TMEM184A: variants seen among roughly 807,000 people sequenced by gnomAD.
TMEM184A encodes the protein transmembrane protein 184A, also known as sexually dimorphic, expressed in male gonads 1.
Under a neutral mutation model 39.5 loss-of-function variants are expected in TMEM184A, and 40 were observed. The observed-to-expected ratio is 1.01, with a 90% confidence interval of 0.79 to 1.32. The LOEUF is 1.32. Among genes scored for constraint, TMEM184A ranks in the 40% most tolerant of loss-of-function variants. The pLI is 0.00. For missense variants in TMEM184A, 603 were observed against 568.8 expected (o/e 1.06, Z -0.61); for synonymous variants, 280 against 252.3 (o/e 1.11, Z -1.04).
chr7:1,547,775 G>T lies in TMEM184A; in HGVS notation c.979C>A (p.Gln327Lys). 6.2e-7 allele frequency: 1 copy of T among 1,612,958 alleles called. No homozygotes were observed. The highest frequency in any genetic ancestry group is 8.5e-7 in the Non-Finnish European group (1 of 1,179,848). The stretch of plus-strand genomic sequence containing the variant: ...TTCTCCTTCTTCTCTGCGTACACCT[G>T]GCAGGGGAAGGCATAACGCAGGGCC... ...SVALRYAFPC[Q>K]VYAEKKENSP... The change falls in exon 8 of 9, where the codon CAG becomes AAG. Residue 327 changes from glutamine to lysine, a missense_variant. Transcript: ENST00000297477.
At position 1,550,456 on chromosome 7, in the gene TMEM184A, G is replaced by A. The variant is rs149671335; in HGVS notation, c.386-61C>T. On this transcript the variant is annotated intron_variant, in intron 3 of 8. Transcript: ENST00000297477. ...CTGAGCTGCACCGGGACCCCATGGC[G>A]CCCATCTCACCAGGGCAGGAGGAGG... 3.9e-4 allele frequency: 555 copies of A among 1,412,118 alleles called. 4 individuals are homozygous for A. The African/African-American group carries it at 6.6e-3, about 17-fold the overall frequency. The allele number at this position is 1,412,118 out of a possible 1,614,324, so 87.5% of individuals were successfully genotyped here.
chr7:1,555,821 AC>A lies in TMEM184A; in HGVS notation c.-1+292del. 1 of 345,710 alleles carries A rather than the reference AC, an allele frequency of 2.9e-6. No homozygotes were observed. The highest frequency in any genetic ancestry group is 5.4e-6 in the Non-Finnish European group (1 of 185,876). The allele number at this position is 345,710 out of a possible 1,614,324, so 21.4% of individuals were successfully genotyped here. A position where few individuals can be genotyped will look rare whatever the true frequency, so the allele number is the denominator to read the frequency against. ...CTTCCAGTGGGGCAGAAGAGGGGGAACCCCTGCCGCCCTGCCTGCCCGGGAG... is the reference window on the plus strand; with the variant it reads ...CTTCCAGTGGGGCAGAAGAGGGGGAACCCTGCCGCCCTGCCTGCCCGGGAG... On this transcript the variant is annotated intron_variant, in intron 1 of 8. Transcript: ENST00000297477. This position sits in a 1 kb window ranked among gnomAD's most constrained non-coding sequence, Gnocchi z 5.2.
Position 1,547,018 on chromosome 7 carries a change from G to GCCA in TMEM184A, c.1175_1176insTGG (p.Gly392dup), listed in dbSNP as rs766012186. 3.1e-5 allele frequency: 46 copies of GCCA among 1,481,902 alleles called. 2 individuals are homozygous for GCCA. In the South Asian group the frequency reaches 4.0e-4, roughly 13 times the overall value. The allele number at this position is 1,481,902 out of a possible 1,614,324, so 91.8% of individuals were successfully genotyped here. A position where few individuals can be genotyped will look rare whatever the true frequency, so the allele number is the denominator to read the frequency against. On this transcript the variant is annotated inframe_insertion, in exon 9 of 9. Transcript: ENST00000297477. The stretch of plus-strand genomic sequence containing the variant: ...TCCGGCTCTTCCTGCTCCCGCCGGA[G>GCCA]CCGCCGCTGGGGTGGGTGCCGGGCC...
In TMEM184A at chr7:1,547,728, A is replaced by C. The variant is rs1200436467; in HGVS notation, c.1012+14T>G. 6.2e-7 allele frequency: 1 copy of C among 1,608,624 alleles called. No homozygotes were observed. Among genetic ancestry groups the C allele is most frequent in the Non-Finnish European group, 8.5e-7 (1 of 1,177,930 alleles). On this transcript the variant is annotated intron_variant, in intron 8 of 8. Coordinates refer to ENST00000297477, the MANE Select transcript of TMEM184A (RefSeq NM_001097620.2). ...TGTGCGCTCCGGGTGCCCCAGCTGG[A>C]AGGCAGGGTGTACCTGGTGAATTCT... is the stretch of plus-strand genomic sequence containing the variant.
At chr7:1,548,002 C>G in intron 7 of TMEM184A, 63 bp from the exon 8 acceptor site, 3 of 1,508,484 alleles carry the variant, frequency 2.0e-6, no homozygotes, top group Non-Finnish European at 1.8e-6. Context: ...GGAAGAGGCC[C>G]CAGACCCCGC....
At position 1,550,196 on chromosome 7, in the gene TMEM184A, G is replaced by T. The variant is rs752747053; in HGVS notation, c.479C>A (p.Ser160Tyr). ...GCAGCAGGTGCCGTACAAGCAGCTG[G>T]ACCTGCGGGGGACGTCCCTGAGCCG... The part of the protein sequence containing the change: ...MAEIRGKPIK[S>Y]SCLYGTCCLR... Residue 160 changes from serine (S) to tyrosine (Y), a missense_variant and splice_region_variant, in exon 5 of 9, where the codon TCC (serine) becomes TAC (tyrosine). By Grantham distance (144) the Ser-to-Tyr change is moderately radical (BLOSUM62 -2). Transcript: ENST00000297477. 1.2e-6 allele frequency: 2 copies of T among 1,607,538 alleles called. No individual in the cohort carries two copies. The highest frequency in any genetic ancestry group is 2.7e-5 in the African/African-American group (2 of 74,832).
chr7:1,548,056 C>CCTGGG, intron 7 of TMEM184A, 117 bp from the exon 8 acceptor site: 1 of 1,159,308 alleles, frequency 8.6e-7, no homozygotes, highest in Non-Finnish European at 1.2e-6. Flanking sequence ...CGTGTAGTCT[C>CCTGGG]GTCCCACCCC....
chr7:1,547,053 C>T lies in TMEM184A; in HGVS notation c.1141G>A (p.Glu381Lys), dbSNP rs779854603. Residue 381 changes from glutamate (E) to lysine (K), a missense_variant, in exon 9 of 9, where the codon GAG (glutamate) becomes AAG (lysine). Coordinates refer to ENST00000297477, the MANE Select transcript of TMEM184A (RefSeq NM_001097620.2). ...YQHYTQQATHEAPRPGTHPSG... is the reference protein window; with the variant it reads ...YQHYTQQATHKAPRPGTHPSG... ...GGGTGGGTGCCGGGCCTGGGCGCCT[C>T]GTGCGTGGCCTGCTGCGTGTAGTGC... The T allele has an allele frequency of 2.2e-5, 36 of 1,608,624 alleles. No individual in the cohort carries two copies. The highest frequency in any genetic ancestry group is 2.6e-5 in the Non-Finnish European group (31 of 1,179,544).
In TMEM184A at chr7:1,553,313, C is replaced by T. The variant is rs375233529; in HGVS notation, c.219+1953G>A. Among the ~76,000 whole-genome samples the T allele has an allele frequency of 5.1e-4, 77 of 151,982 alleles. 1 individual carries two copies. In the East Asian group the frequency reaches 0.011, roughly 22 times the overall value. ...GATTATAGGCGCGCACCACCATGCCCGGCTAATTTTTGTATTTTTAGTAGA... is the reference window on the plus strand; with the variant it reads ...GATTATAGGCGCGCACCACCATGCCTGGCTAATTTTTGTATTTTTAGTAGA... On this transcript the variant is annotated intron_variant, in intron 2 of 8. Coordinates refer to ENST00000297477, the MANE Select transcript of TMEM184A (RefSeq NM_001097620.2).
chr7:1,553,888 C>A (rs1044650599), intron 2 of TMEM184A, among the ~76,000 whole-genome samples: 1 of 152,102 alleles, frequency 6.6e-6, no homozygotes. Flanking sequence ...AGGGGTGGGA[C>A]AGGGCCTGAA....
intron 2 of TMEM184A, among the ~76,000 whole-genome samples, chr7:1,551,342 G>T (rs1784588975): frequency 6.7e-6 from 1 of 149,950 alleles, no homozygotes; most frequent in South Asian, 2.1e-4. Context: ...CCGGGAAGGA[G>T]GTGGGGGTGG....
chr7:1,550,767 C>G (rs374780978), intron 3 of TMEM184A, 50 bp downstream of exon 3: 2 of 1,600,896 alleles, frequency 1.2e-6, no homozygotes, highest in Non-Finnish European at 1.7e-6. Flanking sequence ...ACGCAGGCCC[C>G]GGGGAGTCTC....
At chr7:1,548,497 C>A in intron 7 of TMEM184A, 22 bp downstream of exon 7, 1 of 1,601,126 alleles carries the variant, frequency 6.2e-7, no homozygotes, top group South Asian at 1.1e-5. Context: ...GGTAGCACCC[C>A]TGCCCCACCT....
chr7:1,552,870 C>A (rs1041368324), intron 2 of TMEM184A, among the ~76,000 whole-genome samples: 6 of 152,170 alleles, frequency 3.9e-5, no homozygotes, highest in East Asian at 1.9e-4. Flanking sequence ...GCCTGGTCAA[C>A]AGGGCGAACT....
chr7:1,554,589 C>T (rs546421502), intron 2 of TMEM184A, among the ~76,000 whole-genome samples: 2 of 152,174 alleles, frequency 1.3e-5, no homozygotes, highest in Non-Finnish European at 2.9e-5. Flanking sequence ...CTGTCCCTGA[C>T]TCCCTGCCCT....
chr7:1,549,853 C>T lies in TMEM184A; in HGVS notation c.644+1G>A. ...AGGTGTCCCCGCAGCTCCCGCCTTA[C>T]TTGAAGTCCCCGTCGTGGTATTTGC... On this transcript the variant is annotated splice_donor_variant, in intron 6 of 8. Transcript: ENST00000297477. LOFTEE classifies it high-confidence loss of function. 6.2e-7 allele frequency: 1 copy of T among 1,600,876 alleles called. No homozygotes were observed. Among genetic ancestry groups the T allele is most frequent in the South Asian group, 1.1e-5 (1 of 89,378 alleles).
rs1249717429 is a variant in TMEM184A, at chr7:1,549,583, G to T, written c.644+271C>A. 11 of 573,482 alleles carry T rather than the reference G, an allele frequency of 1.9e-5. 1 individual carries two copies. Among genetic ancestry groups the T allele is most frequent in the South Asian group, 1.7e-4 (11 of 65,492 alleles). 35.5% of individuals were successfully genotyped at this position (573,482 alleles called of 1,614,324 possible). On this transcript the variant is annotated intron_variant, in intron 6 of 8. Transcript: ENST00000297477. ...CCTGTGAGGGGAGGTCCAGGCCCCC[G>T]GCCTTGGCAGGCACCGAGGTCCTTG...
Position 1,542,364 on chromosome 7 carries a change from G to A in TMEM184A, c.*4588C>T, listed in dbSNP as rs2128553195. ...GGCACAGGTGGGAGTTGGGAGCAAA[G>A]CGGAGGCCCGGGCTGCCCGCCGTCC... On this transcript the variant is annotated 3_prime_UTR_variant, in exon 9 of 9. Transcript: ENST00000297477. 1 of 152,712 alleles carries A rather than the reference G, an allele frequency of 6.5e-6. No homozygotes were observed. The highest frequency in any genetic ancestry group is 3.4e-3 in the Middle Eastern group (1 of 294). 9.5% of individuals were successfully genotyped at this position (152,712 alleles called of 1,614,324 possible).
intron 5 of TMEM184A, 56 bp downstream of exon 5, chr7:1,550,067 G>C: frequency 1.9e-6 from 3 of 1,584,550 alleles, no homozygotes; most frequent in Non-Finnish European, 2.6e-6. Context: ...GGGCCGGCTA[G>C]GGCCCCTGAC....
Sources: gnomAD v4.1 joint callset for allele counts (sites outside exome capture counted in the v4.1 genomes callset) on GRCh38, gnomAD v4.1.1 for gene constraint, Gnocchi (gnomAD v3.1) non-coding constraint, MANE v1.5 for transcripts, NCBI Gene and HGNC (gene_info 2026-07-23, HGNC 2026-07-21) for gene names.